CFAP43: variants seen among roughly 807,000 people sequenced by gnomAD.
The protein encoded by CFAP43 is cilia- and flagella-associated protein 43.
A neutral mutation model predicts 218.9 loss-of-function variants in CFAP43; 155 were observed. The ratio of observed to expected loss-of-function variants is 0.71; its 90% CI spans 0.62 to 0.81. The LOEUF (loss-of-function observed/expected upper bound fraction) is 0.81, where lower values mean the gene tolerates loss of function less well. Ranked by LOEUF, CFAP43 falls within the 30% of genes least tolerant of loss-of-function variation. The pLI is 0.00. For missense variants in CFAP43, 1,778 were observed against 1,954.3 expected (o/e 0.91, Z 1.70); for synonymous variants, 645 against 681.3 (o/e 0.95, Z 0.83).
chr10:104,131,203 T>TG, intron 37 of CFAP43, 128 bp downstream of exon 37: 3 of 1,178,410 alleles, frequency 2.5e-6, no homozygotes, highest in Non-Finnish European at 3.5e-6. Flanking sequence ...AAATAAAAGT[T>TG]GAAATTATTT....
chr10:104,143,221 G>A (rs987528219), intron 32 of CFAP43, among the ~76,000 whole-genome samples: 8 of 151,994 alleles, frequency 5.3e-5, no homozygotes, highest in East Asian at 1.9e-4. Context: ...TATTTTGAAC[G>A]GCACCAGTCT....
At position 104,185,105 on chromosome 10, in the gene CFAP43, A is replaced by G. The variant is rs1414976697; in HGVS notation, c.2052T>C (p.His684=). 3 of 1,614,096 alleles carry G rather than the reference A, an allele frequency of 1.9e-6. No individual in the cohort carries two copies. Among genetic ancestry groups the G allele is most frequent in the Non-Finnish European group, 1.7e-6 (2 of 1,179,996 alleles). Residue 684 remains histidine (H), a synonymous_variant, in exon 16 of 38, where the codon CAT becomes CAC. Coordinates refer to ENST00000357060, the MANE Select transcript of CFAP43 (RefSeq NM_025145.7). ...TTGAAATTCTCATTGACTGAATCCC[A>G]TGACCCTGGTGAGAATGACTCCGAC... ...AWCRSHSHQG[H]GIQSMRISMD... is the part of the protein sequence containing the mutation.
chr10:104,197,442 T>C (rs1209144383), intron 9 of CFAP43, among the ~76,000 whole-genome samples: 1 of 152,212 alleles, frequency 6.6e-6, no homozygotes, highest in East Asian at 1.9e-4. Context: ...TATTGACATA[T>C]TATTATTGAC....
chr10:104,161,865 T>C, intron 26 of CFAP43, 96 bp downstream of exon 26: 1 of 1,139,628 alleles, frequency 8.8e-7, no homozygotes, highest in Non-Finnish European at 1.3e-6. Context: ...GCTGTAGAAC[T>C]TCTAAAACCC....
In CFAP43 at chr10:104,132,167, C is replaced by T. The variant is rs750936373; in HGVS notation, c.4626G>A (p.Leu1542=). 2 of 1,604,070 alleles carry T rather than the reference C, an allele frequency of 1.2e-6. No homozygotes were observed. The highest frequency in any genetic ancestry group is 2.3e-5 in the South Asian group (2 of 88,168). ...KYLNEPNYEA[L]ISIQIGIMEQ... is the part of the protein sequence containing the mutation. ...CCATTATTCCAATCTGAATACTAAT[C>T]AGAGCCTCATAGTTTGGTTCATTTA... Residue 1542 remains leucine, a synonymous_variant, in exon 36 of 38, where the codon CTG becomes CTA. Coordinates refer to ENST00000357060, the MANE Select transcript of CFAP43 (RefSeq NM_025145.7).
intron 16 of CFAP43, among the ~76,000 whole-genome samples, chr10:104,183,191 AG>A (rs2089911674): frequency 6.6e-6 from 1 of 152,176 alleles, no homozygotes; most frequent in South Asian, 2.1e-4. Context: ...CATCACTGGG[AG>A]GGTTTAAAAA....
intron 19 of CFAP43, among the ~76,000 whole-genome samples, chr10:104,176,657 G>A (rs557166015): frequency 4.5e-4 from 68 of 152,170 alleles, no homozygotes; most frequent in African/African-American, 1.3e-3. Flanking sequence ...ACACTTCCAC[G>A]CTCTTCTCCT....
intron 30 of CFAP43, 38 bp from the exon 31 acceptor site, chr10:104,145,602 T>A (rs1489342432): frequency 5.8e-6 from 8 of 1,379,702 alleles, no homozygotes; most frequent in Non-Finnish European, 8.1e-6. Flanking sequence ...TGCAACTTGG[T>A]TTGGAAACCT....
rs781153112 is a variant in CFAP43 at position 104,162,378 on chromosome 10, G to A, written c.3272C>T (p.Pro1091Leu). The change falls in exon 25 of 38, where the codon CCG (proline) becomes CTG (leucine). Residue 1091 changes from proline to leucine, a missense_variant. This residue lies in a region of CFAP43 where 1,553 missense variants were observed against 1,685.2 expected (regional missense o/e 0.92). Coordinates refer to ENST00000357060, the MANE Select transcript of CFAP43 (RefSeq NM_025145.7). ...GATCAATTCTTTGGCTTTGTGCCAC[G>A]GCTTAATGTGTTTGTGGGCTGTAAT... The part of the protein sequence containing the change: ...EEITAHKHIK[P>L]WHKAKELIVN... 3.1e-5 allele frequency: 50 copies of A among 1,613,908 alleles called. No homozygotes were observed. Among genetic ancestry groups the A allele is most frequent in the African/African-American group, 1.5e-4 (11 of 74,910 alleles).
chr10:104,225,577 A>T lies in CFAP43; in HGVS notation c.320-20T>A, dbSNP rs1192570521. The T allele has an allele frequency of 3.2e-6, 5 of 1,583,520 alleles. No homozygotes were observed. The highest frequency in any genetic ancestry group is 4.3e-6 in the Non-Finnish European group (5 of 1,157,188). On this transcript the variant is annotated intron_variant, in intron 2 of 37. Transcript: ENST00000357060. ...TGTTGCCTAAAATATAAAATCCATT[A>T]TCAGGATTTGATTATGTTAAGACCA... is the stretch of plus-strand genomic sequence containing the variant.
At chr10:104,162,903 C>CA (rs1349098440) in intron 24 of CFAP43, among the ~76,000 whole-genome samples, 1 of 151,968 alleles carries the variant, frequency 6.6e-6, no homozygotes, top group African/African-American at 2.4e-5. Flanking sequence ...AGAGAAGGGA[C>CA]ATAGTAAGTT....
intron 3 of CFAP43, among the ~76,000 whole-genome samples, chr10:104,215,845 GGT>G (rs1165133383): frequency 6.6e-6 from 1 of 152,110 alleles, no homozygotes; most frequent in East Asian, 1.9e-4. Context: ...GGGTCTGCAT[GGT>G]TCTCTCCGCC....
At chr10:104,214,493 T>C (rs879530282) in intron 3 of CFAP43, 67 bp from the exon 4 acceptor site, 2 of 1,301,310 alleles carry the variant, frequency 1.5e-6, no homozygotes, top group Non-Finnish European at 2.1e-6. Context: ...AACATTTATC[T>C]ATTTTTTAAT....
intron 3 of CFAP43, among the ~76,000 whole-genome samples, chr10:104,219,442 A>C (rs2091117277): frequency 6.6e-6 from 1 of 152,142 alleles, no homozygotes. Flanking sequence ...AGTATTGGAG[A>C]TACTTTCATT....
At chr10:104,147,022 C>G (rs113835043) in intron 29 of CFAP43, among the ~76,000 whole-genome samples, 112 of 152,114 alleles carry the variant, frequency 7.4e-4, no homozygotes, top group African/African-American at 2.5e-3. Flanking sequence ...TTGAGTCTGC[C>G]AAAAGTAACT....
At chr10:104,191,303 T>C (rs2090203645) in intron 12 of CFAP43, among the ~76,000 whole-genome samples, 1 of 150,918 alleles carries the variant, frequency 6.6e-6, no homozygotes, top group East Asian at 1.9e-4. Context: ...GCCATAGTCA[T>C]CTTCTAGTAA....
At chr10:104,154,574 C>A (rs1454268166) in intron 27 of CFAP43, among the ~76,000 whole-genome samples, 1 of 152,196 alleles carries the variant, frequency 6.6e-6, no homozygotes, top group African/African-American at 2.4e-5. Context: ...TTCACCTGTT[C>A]CTAGATAATG....
intron 27 of CFAP43, among the ~76,000 whole-genome samples, chr10:104,159,709 G>A (rs962965329): frequency 6.6e-6 from 1 of 152,168 alleles, no homozygotes; most frequent in Non-Finnish European, 1.5e-5. Context: ...AATAAGGTGA[G>A]AGTGAGTTGA....
chr10:104,172,410 C>T lies in CFAP43; in HGVS notation c.2586G>A (p.Lys862=), dbSNP rs1229027443. ...GTGCTTAAATTATACTTTTTCATAC[C>T]TTTGCCACTTCTTCCTGACTTTCAT... ...LHDESQEEVA[K]MIKDVEMHNL... is the part of the protein sequence containing the mutation. Residue 862 remains lysine (K), a splice_region_variant and synonymous_variant, in exon 20 of 38, where the codon AAG becomes AAA. Transcript: ENST00000357060. The T allele has an allele frequency of 1.2e-6, 2 of 1,604,226 alleles. No individual in the cohort carries two copies. Among genetic ancestry groups the T allele is most frequent in the South Asian group, 1.1e-5 (1 of 88,374 alleles).
Sources: gnomAD v4.1 joint callset for allele counts (sites outside exome capture counted in the v4.1 genomes callset) on GRCh38, gnomAD v4.1.1 for gene constraint, gnomAD v4.1.1 regional missense constraint, MANE v1.5 for transcripts, NCBI Gene and HGNC (gene_info 2026-07-23, HGNC 2026-07-21) for gene names.